TNRC6A: variants seen among roughly 807,000 people sequenced by gnomAD.
The protein encoded by TNRC6A is trinucleotide repeat containing adaptor 6A, also known as trinucleotide repeat-containing gene 6A protein.
In TNRC6A, 44 loss-of-function variants were observed where a neutral mutation model predicts 221.2. The ratio of observed to expected loss-of-function variants is 0.20; its 90% CI spans 0.16 to 0.26. The LOEUF (loss-of-function observed/expected upper bound fraction) is 0.26. Ranked by LOEUF, TNRC6A falls within the 10% of genes least tolerant of loss-of-function variation. TNRC6A has a pLI of 1.00. For missense variants in TNRC6A, 2,199 were observed against 2,404.4 expected, an observed-to-expected ratio of 0.91 and a Z score of 1.79; for synonymous variants, 847 against 838.5, an observed-to-expected ratio of 1.01 and a Z score of -0.18.
chr16:24,710,356 C>T (rs1453659879), intron 2 of TNRC6A, among the ~76,000 whole-genome samples: 23 of 152,082 alleles, frequency 1.5e-4, no homozygotes, highest in Non-Finnish European at 2.6e-4. Flanking sequence ...ACCTGTAGTC[C>T]CAGCACTTCG....
At chr16:24,631,943 C>T (rs1596560608) in intron 1 of TNRC6A, among the ~76,000 whole-genome samples, 1 of 151,922 alleles carries the variant, frequency 6.6e-6, no homozygotes, top group East Asian at 1.9e-4. Flanking sequence ...ACTGCAGCCA[C>T]AGCCTCCTGG....
At chr16:24,610,879 C>T (rs2141513569) in intron 1 of TNRC6A, among the ~76,000 whole-genome samples, 1 of 152,200 alleles carries the variant, frequency 6.6e-6, no homozygotes, top group South Asian at 2.1e-4. Context: ...GGCGCAATCT[C>T]GGCTCGCTGC....
intron 1 of TNRC6A, among the ~76,000 whole-genome samples, chr16:24,630,108 A>C (rs1349415623): frequency 3.3e-5 from 5 of 152,206 alleles, no homozygotes; most frequent in African/African-American, 1.2e-4. Context: ...TTAGAAAAGA[A>C]TGTTATATTT....
In TNRC6A at chr16:24,674,587, C is replaced by T. The variant is rs1006564395; in HGVS notation, n.402+33578C>T. Among the ~76,000 whole-genome samples the T allele has an allele frequency of 5.9e-5, 9 of 152,000 alleles. No individual in the cohort carries two copies. The South Asian group carries it at 6.2e-4, about 11-fold the overall frequency. On this transcript the variant is annotated intron_variant and non_coding_transcript_variant, in intron 2 of 2. Transcript: ENST00000566108. Reference sequence around the variant, plus strand: ...GGCCATCCTTTCCTCTCCGTTGCAACGGAGTTCCACATAAAAGCAGGCAAA... The same window carrying T: ...GGCCATCCTTTCCTCTCCGTTGCAATGGAGTTCCACATAAAAGCAGGCAAA...
chr16:24,628,782 A>G (rs923718618), intron 1 of TNRC6A, among the ~76,000 whole-genome samples: 1 of 152,114 alleles, frequency 6.6e-6, no homozygotes, highest in Non-Finnish European at 1.5e-5. Flanking sequence ...AGTTACATGC[A>G]GATTTTCAAT....
At chr16:24,688,437 C>T (rs1210791360) in intron 2 of TNRC6A, among the ~76,000 whole-genome samples, 1 of 152,168 alleles carries the variant, frequency 6.6e-6, no homozygotes, top group Non-Finnish European at 1.5e-5. Flanking sequence ...CCACTTGAGG[C>T]ATTGACCCTC....
intron 2 of TNRC6A, among the ~76,000 whole-genome samples, chr16:24,706,011 C>G (rs993189819): frequency 6.6e-6 from 1 of 152,234 alleles, no homozygotes; most frequent in East Asian, 1.9e-4. Flanking sequence ...TAGTTGGTTA[C>G]ACAATCAACA....
chr16:24,781,255 T>G (rs2057839739), intron 5 of TNRC6A, among the ~76,000 whole-genome samples: 1 of 151,816 alleles, frequency 6.6e-6, no homozygotes, highest in Non-Finnish European at 1.5e-5. Flanking sequence ...GATGGGGTTT[T>G]GCCATGTTGC....
At chr16:24,700,923 G>C (rs145881061) in intron 2 of TNRC6A, among the ~76,000 whole-genome samples, 57 of 152,238 alleles carry the variant, frequency 3.7e-4, no homozygotes, top group African/African-American at 1.2e-3. Context: ...TGTTTCTCTC[G>C]CTCTTTGGAA....
At chr16:24,743,857 G>A (rs1026895585) in intron 2 of TNRC6A, among the ~76,000 whole-genome samples, 5 of 152,130 alleles carry the variant, frequency 3.3e-5, no homozygotes, top group Non-Finnish European at 5.9e-5. Context: ...ATGAAAATGG[G>A]CACAGTAACA....
chr16:24,777,677 T>C (rs903838556), intron 5 of TNRC6A, among the ~76,000 whole-genome samples: 1 of 152,192 alleles, frequency 6.6e-6, no homozygotes, highest in Non-Finnish European at 1.5e-5. Context: ...TGAGCAGTTA[T>C]ACATATTATT....
chr16:24,805,316 C>G, intron 14 of TNRC6A, 165 bp downstream of exon 14: 1 of 1,106,962 alleles, frequency 9.0e-7, no homozygotes. Flanking sequence ...AAGGAAAAGT[C>G]AAGGATAATT....
upstream of TNRC6A, among the ~76,000 whole-genome samples, chr16:24,726,422 A>T (rs956033218): frequency 1.3e-5 from 2 of 151,950 alleles, no homozygotes; most frequent in African/African-American, 4.8e-5. Context: ...TACTGTCAGG[A>T]TGGCCTAGCA....
Position 24,789,723 on chromosome 16 carries a change from T to A in TNRC6A, c.1081T>A (p.Leu361Met), listed in dbSNP as rs1334100162. 1 of 1,614,174 alleles carries A rather than the reference T, an allele frequency of 6.2e-7. No individual in the cohort carries two copies. The highest frequency in any genetic ancestry group is 1.1e-5 in the South Asian group (1 of 91,082). Residue 361 changes from leucine (L) to methionine (M), a missense_variant, in exon 6 of 25, where the codon TTG becomes ATG. Physicochemically the swap from Leu to Met is conservative, Grantham distance 15 (BLOSUM62 2). Around this residue, in one of 8 missense-constraint regions of TNRC6A, gnomAD observed 1,405 missense variants for 1,400.2 expected, o/e 1.00. Transcript: ENST00000395799. Reference protein sequence around the residue: ...SSNGGLNPSTLNSASNHGAWP... With the variant: ...SSNGGLNPSTMNSASNHGAWP... ...AAATGGAGGGTTAAATCCAAGCACTTTGAATTCAGCTAGCAACCATGGTGC... is the reference window on the plus strand; with the variant it reads ...AAATGGAGGGTTAAATCCAAGCACTATGAATTCAGCTAGCAACCATGGTGC...
rs750647636 is a variant in TNRC6A, at chr16:24,789,608, C to G, written c.966C>G (p.Ser322Arg). The change falls in exon 6 of 25, where the codon AGC (serine) becomes AGG (arginine). Residue 322 changes from serine (S) to arginine (R), a missense_variant. Coordinates refer to ENST00000395799, the MANE Select transcript of TNRC6A (RefSeq NM_014494.4). ...GTTTTTCCCATGGAGCCATAATAAGCACATGTCAGGTCTCTGTGGATGCTC... is the reference window on the plus strand; with the variant it reads ...GTTTTTCCCATGGAGCCATAATAAGGACATGTCAGGTCTCTGTGGATGCTC... ...PWGFSHGAII[S>R]TCQVSVDAPE... The G allele has an allele frequency of 1.5e-5, 25 of 1,614,096 alleles. No homozygotes were observed. The highest frequency in any genetic ancestry group is 1.9e-5 in the Non-Finnish European group (23 of 1,180,020).
At chr16:24,821,183 T>C (rs1567526301) in intron 22 of TNRC6A, among the ~76,000 whole-genome samples, 6 of 152,034 alleles carry the variant, frequency 3.9e-5, no homozygotes, top group Non-Finnish European at 8.8e-5. Flanking sequence ...ACATAATTGG[T>C]GTGGTGTGAG....
At chr16:24,770,333 A>G (rs1377939464) in intron 4 of TNRC6A, among the ~76,000 whole-genome samples, 1 of 152,174 alleles carries the variant, frequency 6.6e-6, no homozygotes, top group East Asian at 1.9e-4. Flanking sequence ...TTTATGATAC[A>G]GATAACTTGG....
At chr16:24,633,966 G>A (rs1245890524) in intron 1 of TNRC6A, among the ~76,000 whole-genome samples, 7 of 151,662 alleles carry the variant, frequency 4.6e-5, no homozygotes. Flanking sequence ...CTTTATTAGA[G>A]ACATGGTTTT....
At chr16:24,687,884 C>CAGAAGA (rs1567357177) in intron 2 of TNRC6A, among the ~76,000 whole-genome samples, 1 of 111,974 alleles carries the variant, frequency 8.9e-6, no homozygotes, top group Non-Finnish European at 1.7e-5. Flanking sequence ...GAAGAAGAAG[C>CAGAAGA]AGCTTATTCC....
Sources: allele counts gnomAD v4.1 joint callset (sites outside exome capture counted in the v4.1 genomes callset), GRCh38; gene constraint gnomAD v4.1.1; regional missense constraint gnomAD v4.1.1; transcripts MANE v1.5; gene names NCBI Gene and HGNC (gene_info 2026-07-23, HGNC 2026-07-21).